Variants in RBM25 observed in about 807,000 individuals in gnomAD.
RBM25 encodes the protein RNA binding motif protein 25, also known as RNA-binding protein 25.
RBM25 carries 19 observed loss-of-function variants against 120.7 expected under a neutral mutation model. The ratio of observed to expected loss-of-function variants is 0.16; its 90% confidence interval spans 0.11 to 0.23. The LOEUF is 0.23. Ranked by LOEUF, RBM25 falls within the 10% of genes least tolerant of loss-of-function variation. RBM25 has a pLI of 1.00. For synonymous variants in RBM25, 390 were observed against 326.7 expected, an observed-to-expected ratio of 1.19 and a Z score of -2.09; for missense variants, 605 against 1,041.5, an observed-to-expected ratio of 0.58 and a Z score of 5.77.
At chr14:73,116,953 A>C (rs1334548399) in intron 18 of RBM25, among the ~76,000 whole-genome samples, 1 of 152,288 alleles carries the variant, frequency 6.6e-6, no homozygotes, top group East Asian at 1.9e-4. Flanking sequence ...TAGCCTGAGT[A>C]CTGTTTCACT....
chr14:73,076,546 A>T (rs959508694), intron 3 of RBM25, among the ~76,000 whole-genome samples, 178 bp downstream of exon 3: 2 of 152,176 alleles, frequency 1.3e-5, no homozygotes, highest in African/African-American at 4.8e-5. Context: ...TTAGGTGTGC[A>T]TATATGCAGT....
chr14:73,087,557 G>A (rs1227018318), intron 5 of RBM25, among the ~76,000 whole-genome samples: 9 of 152,004 alleles, frequency 5.9e-5, no homozygotes, highest in Admixed American at 3.9e-4. Flanking sequence ...CACCGCGCCC[G>A]GCTAATTTTT....
chr14:73,092,321 A>G (rs1895836975), intron 6 of RBM25, among the ~76,000 whole-genome samples: 1 of 152,092 alleles, frequency 6.6e-6, no homozygotes, highest in Non-Finnish European at 1.5e-5. Flanking sequence ...ATGATTTTTC[A>G]GTATAAAAAT....
chr14:73,061,113 A>G (rs1448333392), intron 1 of RBM25, among the ~76,000 whole-genome samples: 6 of 147,508 alleles, frequency 4.1e-5, no homozygotes, highest in African/African-American at 1.5e-4. Context: ...GCTGGAGTGT[A>G]GTGGCGCGAT....
chr14:73,062,699 C>T (rs1895032097), intron 1 of RBM25, among the ~76,000 whole-genome samples: 1 of 151,460 alleles, frequency 6.6e-6, no homozygotes, highest in African/African-American at 2.4e-5. Context: ...GACCAGATTT[C>T]TTGAGATAAA....
chr14:73,062,022 A>G (rs1024832791), intron 1 of RBM25, among the ~76,000 whole-genome samples: 3 of 151,270 alleles, frequency 2.0e-5, no homozygotes, highest in Admixed American at 2.0e-4. Flanking sequence ...AGGTCACCAT[A>G]TTAATGCTGA....
chr14:73,081,203 G>A (rs1047060139), intron 4 of RBM25, among the ~76,000 whole-genome samples: 6 of 148,802 alleles, frequency 4.0e-5, no homozygotes, highest in African/African-American at 1.6e-4. Flanking sequence ...GCAGTGGCAC[G>A]ATCTCAGCTC....
At chr14:73,088,491 T>C in intron 6 of RBM25, 3 of 443,634 alleles carry the variant, frequency 6.8e-6, no homozygotes, top group Admixed American at 5.5e-5. Context: ...ACAAAATATA[T>C]TTCAACCTAC....
chr14:73,073,103 CATTTT>C (rs1329920475), intron 2 of RBM25, among the ~76,000 whole-genome samples: 2 of 151,978 alleles, frequency 1.3e-5, no homozygotes, highest in African/African-American at 4.8e-5. Context: ...TTTTAAAAAA[CATTTT>C]ATAAAGATGG....
In RBM25 at chr14:73,120,741, A is replaced by G. The variant is rs919185943; in HGVS notation, c.*936A>G. On this transcript the variant is annotated 3_prime_UTR_variant, in exon 19 of 19. Coordinates refer to ENST00000261973, the MANE Select transcript of RBM25 (RefSeq NM_021239.3). ...TAACAAAAAATTCATCATACCAAAA[A>G]GTGTAAGTGAAAACCCCCTTTAAAA... The G allele has an allele frequency of 6.6e-6, 1 of 152,234 alleles. No homozygotes were observed. The highest frequency in any genetic ancestry group is 1.5e-5 in the Non-Finnish European group (1 of 68,034). 9.4% of individuals were successfully genotyped at this position (152,234 alleles called of 1,614,324 possible). A position where few individuals can be genotyped will look rare whatever the true frequency, so the allele number is the denominator to read the frequency against.
At chr14:73,067,604 A>ATT (rs1050067182) in intron 1 of RBM25, among the ~76,000 whole-genome samples, 41 of 106,322 alleles carry the variant, frequency 3.9e-4, no homozygotes, top group Middle Eastern at 6.8e-3. Flanking sequence ...TATTGCCTGT[A>ATT]TTTTTTTTTT....
intron 2 of RBM25, among the ~76,000 whole-genome samples, chr14:73,072,258 A>G (rs1445355683): frequency 1.3e-5 from 2 of 152,122 alleles, no homozygotes; most frequent in Non-Finnish European, 2.9e-5. Context: ...GGTGTGAGCC[A>G]CCATGCCCAG....
intron 4 of RBM25, among the ~76,000 whole-genome samples, chr14:73,078,302 C>G (rs545447291): frequency 6.7e-6 from 1 of 150,334 alleles, no homozygotes; most frequent in Admixed American, 6.6e-5. Flanking sequence ...GACTCCATCT[C>G]AAAAAAATAA....
In RBM25 at chr14:73,105,937, GGAGCGAGAGAGA is replaced by G. The variant is rs751561580; in HGVS notation, c.1245_1256del (p.Arg423_Glu426del). On this transcript the variant is annotated inframe_deletion, in exon 11 of 19. Transcript: ENST00000261973. ...GAGAACGAGAGCGAGAACGAGAACGGGAGCGAGAGAGAGAGCGAGAGAGGGAACGGGAGCGAG... is the reference window on the plus strand; with the variant it reads ...GAGAACGAGAGCGAGAACGAGAACGGGAGCGAGAGAGGGAACGGGAGCGAG... The G allele has an allele frequency of 1.5e-5, 24 of 1,611,974 alleles. No homozygotes were observed. The highest frequency in any genetic ancestry group is 4.5e-5 in the East Asian group (2 of 44,814).
At chr14:73,098,321 G>A (rs762295332) in intron 7 of RBM25, among the ~76,000 whole-genome samples, 8 of 151,954 alleles carry the variant, frequency 5.3e-5, no homozygotes, top group Admixed American at 1.3e-4. Context: ...GTAGAGACAG[G>A]GTTTCACCAT....
chr14:73,119,587 AACT>A, intron 18 of RBM25, 123 bp from the exon 19 acceptor site: 1 of 1,506,756 alleles, frequency 6.6e-7, no homozygotes, highest in East Asian at 2.4e-5. Context: ...TTAAAATCTT[AACT>A]AGCATTTAAG....
chr14:73,111,388 T>G, intron 15 of RBM25, 140 bp from the exon 16 acceptor site: 1 of 1,027,194 alleles, frequency 9.7e-7, no homozygotes, highest in Non-Finnish European at 1.4e-6. Flanking sequence ...CACTTGTGAG[T>G]AGTGAGTTAT....
chr14:73,084,700 G>A (rs1159892348), intron 5 of RBM25, among the ~76,000 whole-genome samples: 3 of 151,626 alleles, frequency 2.0e-5, no homozygotes, highest in Admixed American at 6.6e-5. Flanking sequence ...TTACAGGCAC[G>A]TGCCACCATG....
chr14:73,119,366 C>T lies in RBM25; in HGVS notation c.2440-347C>T, dbSNP rs541693223. The stretch of plus-strand genomic sequence containing the variant: ...TGGCAAGCTCCGCCTCCTGGGTTCA[C>T]GTCATTCTCCTGCCTCAGCCTCCCC... On this transcript the variant is annotated intron_variant, in intron 18 of 18. Coordinates refer to ENST00000261973, the MANE Select transcript of RBM25 (RefSeq NM_021239.3). Among the ~76,000 whole-genome samples the T allele has an allele frequency of 2.0e-4, 30 of 151,940 alleles. No homozygotes were observed. In the South Asian group the frequency reaches 2.3e-3, roughly 12 times the overall value.
Sources: allele counts gnomAD v4.1 joint callset (sites outside exome capture counted in the v4.1 genomes callset), GRCh38; gene constraint gnomAD v4.1.1; transcripts MANE v1.5; gene names NCBI Gene and HGNC (gene_info 2026-07-23, HGNC 2026-07-21).